Variants in SMG7 observed in about 807,000 individuals in gnomAD.
The protein encoded by SMG7 is nonsense-mediated mRNA decay factor SMG7.
In SMG7, 34 loss-of-function variants were observed where a neutral mutation model predicts 148.2. The observed-to-expected ratio is 0.23, with a 90% CI of 0.17 to 0.31. SMG7 has a LOEUF of 0.31. Among genes scored for constraint, SMG7 ranks in the 10% least tolerant of loss-of-function variants. The probability of loss-of-function intolerance (pLI) is 1.00; values close to 1 mark genes in which losing one functional copy is unlikely to be tolerated. For synonymous variants in SMG7, 492 were observed against 515.1 expected (o/e 0.96, Z 0.61); for missense variants, 1,114 against 1,408.4 (o/e 0.79, Z 3.35).
chr1:183,509,425 A>T (rs1661662436), intron 1 of SMG7, among the ~76,000 whole-genome samples: 1 of 152,198 alleles, frequency 6.6e-6, no homozygotes, highest in South Asian at 2.1e-4. Flanking sequence ...TTGTGGAGTC[A>T]TTTAAGAACA....
chr1:183,540,873 A>G (rs1215782455), intron 12 of SMG7, 111 bp from the exon 13 acceptor site: 2 of 884,068 alleles, frequency 2.3e-6, no homozygotes, highest in Non-Finnish European at 3.5e-6. Flanking sequence ...CAAGTAGCTA[A>G]CCTATGTGGG....
At chr1:183,503,414 AAAAAT>A (rs1211362647) in intron 1 of SMG7, among the ~76,000 whole-genome samples, 2 of 152,178 alleles carry the variant, frequency 1.3e-5, no homozygotes, top group Non-Finnish European at 2.9e-5. Flanking sequence ...ATGTTTGGAG[AAAAAT>A]AAAAAAAAAT....
At chr1:183,538,208 A>C (rs1668143563) in intron 11 of SMG7, among the ~76,000 whole-genome samples, 172 bp from the exon 12 acceptor site, 1 of 152,202 alleles carries the variant, frequency 6.6e-6, no homozygotes, top group South Asian at 2.1e-4. Context: ...GATAACATGC[A>C]GAGTTTTGAC....
chr1:183,533,338 A>G lies in SMG7; in HGVS notation c.1006+12A>G, dbSNP rs371108679. The G allele has an allele frequency of 4.0e-5, 64 of 1,606,368 alleles. No homozygotes were observed. The highest frequency in any genetic ancestry group is 5.4e-5 in the African/African-American group (4 of 74,590). Reference sequence around the variant, plus strand: ...GCTGGCCCTCTTTAGTGAGTATTGAATTACTTAACATGTGCCATCTTTTTT... The same window carrying G: ...GCTGGCCCTCTTTAGTGAGTATTGAGTTACTTAACATGTGCCATCTTTTTT... On this transcript the variant is annotated intron_variant, in intron 9 of 22. Coordinates refer to ENST00000688051, the MANE Select transcript of SMG7 (RefSeq NM_001375584.1).
intron 2 of SMG7, among the ~76,000 whole-genome samples, chr1:183,515,540 A>G (rs1196069361): frequency 1.3e-5 from 2 of 152,162 alleles, no homozygotes; most frequent in African/African-American, 4.8e-5. Context: ...GCTTACTGTA[A>G]GGCATATAGT....
At chr1:183,476,865 T>C (rs1652323798) in intron 1 of SMG7, among the ~76,000 whole-genome samples, 1 of 152,198 alleles carries the variant, frequency 6.6e-6, no homozygotes, top group Admixed American at 6.5e-5. Context: ...TTTTGATTTA[T>C]GACAGAATGA....
chr1:183,496,585 C>G (rs904661563), intron 1 of SMG7, among the ~76,000 whole-genome samples: 2 of 152,120 alleles, frequency 1.3e-5, no homozygotes, highest in Non-Finnish European at 2.9e-5. Context: ...TTTTCAGGAG[C>G]ATTTATTGAT....
At chr1:183,509,091 T>TCTGC (rs1287713888) in intron 1 of SMG7, among the ~76,000 whole-genome samples, 4 of 152,316 alleles carry the variant, frequency 2.6e-5, no homozygotes, top group African/African-American at 9.6e-5. Context: ...TTGTCTCAAC[T>TCTGC]CTGCCTTGGT....
chr1:183,473,774 T>G, intron 1 of SMG7: 1 of 985,394 alleles, frequency 1.0e-6, no homozygotes, highest in Non-Finnish European at 1.2e-6. Context: ...AAAAAATTGT[T>G]TCATACCTTG....
chr1:183,473,506 T>A (rs1651307911), intron 1 of SMG7, among the ~76,000 whole-genome samples: 1 of 152,082 alleles, frequency 6.6e-6, no homozygotes, highest in Admixed American at 6.6e-5. Flanking sequence ...TTGAACTTAG[T>A]ACCTGATGGC....
At chr1:183,526,342 C>T (rs558452120) in intron 4 of SMG7, among the ~76,000 whole-genome samples, 2 of 151,360 alleles carry the variant, frequency 1.3e-5, no homozygotes, top group East Asian at 2.0e-4. Context: ...TTAGTAGAGA[C>T]GGGGTTTCAT....
At position 183,527,494 on chromosome 1, in the gene SMG7, A is replaced by C. The variant is rs1666084678; in HGVS notation, c.485-462A>C. On this transcript the variant is annotated intron_variant, in intron 5 of 22. Coordinates refer to ENST00000688051, the MANE Select transcript of SMG7 (RefSeq NM_001375584.1). The surrounding 1 kb of genome is among the most constrained non-coding windows in gnomAD (Gnocchi z 4.0). ...GTTTAGGTTGTTTTGCTTTAAATAT[A>C]ATCTTTGCACACACATATTTAATAT... 1 of 394,384 alleles carries C rather than the reference A, an allele frequency of 2.5e-6. No individual in the cohort carries two copies. Among genetic ancestry groups the C allele is most frequent in the Non-Finnish European group, 5.3e-6 (1 of 189,736 alleles). The allele number at this position is 394,384 out of a possible 1,614,324, so 24.4% of individuals were successfully genotyped here.
In SMG7 at chr1:183,541,119, C is replaced by G; in HGVS notation, c.1415+16C>G. The stretch of plus-strand genomic sequence containing the variant: ...ATCAGCCAAGGTAAGTCTGGAACTT[C>G]TGGTCTACCCCTTTTTAACCACCTT... On this transcript the variant is annotated intron_variant, in intron 13 of 22. Coordinates refer to ENST00000688051, the MANE Select transcript of SMG7 (RefSeq NM_001375584.1). 2 of 1,610,596 alleles carry G rather than the reference C, an allele frequency of 1.2e-6. No individual in the cohort carries two copies. The highest frequency in any genetic ancestry group is 1.7e-6 in the Non-Finnish European group (2 of 1,178,074).
intron 8 of SMG7, among the ~76,000 whole-genome samples, chr1:183,532,508 T>C (rs969227241): frequency 1.3e-5 from 2 of 152,182 alleles, no homozygotes; most frequent in Non-Finnish European, 2.9e-5. Context: ...TATTAGAAGG[T>C]AAATGAAATT....
chr1:183,472,713 A>C, intron 1 of SMG7, 64 bp downstream of exon 1: 7 of 1,370,044 alleles, frequency 5.1e-6, no homozygotes, highest in Non-Finnish European at 5.7e-6. Context: ...ATGGAGCAAC[A>C]GACACCGAGG....
At chr1:183,514,941 G>A (rs1663132911) in intron 2 of SMG7, among the ~76,000 whole-genome samples, 1 of 152,184 alleles carries the variant, frequency 6.6e-6, no homozygotes, top group Non-Finnish European at 1.5e-5. Context: ...AAAGAAGAGT[G>A]ATGATTATTC....
chr1:183,547,328 G>A, intron 18 of SMG7, 76 bp downstream of exon 18: 1 of 1,315,806 alleles, frequency 7.6e-7, no homozygotes, highest in Non-Finnish European at 1.0e-6. Context: ...ACACAGATTA[G>A]GTGATTTCTT....
intron 1 of SMG7, chr1:183,501,202 A>C (rs761909577): frequency 6.6e-6 from 1 of 152,156 alleles, no homozygotes; most frequent in Non-Finnish European, 1.5e-5. Context: ...GGGCTTACTT[A>C]CCAAGGAACA....
At chr1:183,550,691 GTTC>G in intron 20 of SMG7, 57 bp from the exon 21 acceptor site, 1 of 1,540,234 alleles carries the variant, frequency 6.5e-7, no homozygotes, top group Non-Finnish European at 9.0e-7. Context: ...GGAACCTGTA[GTTC>G]TTTGTATGTT....
Sources: gnomAD v4.1 joint callset for allele counts (sites outside exome capture counted in the v4.1 genomes callset) on GRCh38, gnomAD v4.1.1 for gene constraint, Gnocchi (gnomAD v3.1) non-coding constraint, MANE v1.5 for transcripts, NCBI Gene and HGNC (gene_info 2026-07-23, HGNC 2026-07-21) for gene names.